The following ABLIM2 variants were observed in gnomAD, a reference collection of about 807,000 sequenced individuals.
ABLIM2 encodes actin binding LIM protein family member 2, also known as actin-binding LIM protein 2.
In ABLIM2, 53 loss-of-function variants were observed where a neutral mutation model predicts 97.7. That is an observed-to-expected ratio of 0.54 (90% CI 0.44 to 0.68). ABLIM2 has a LOEUF of 0.68. ABLIM2 is among the 30% of genes least tolerant of loss of function. The pLI is 0.00. For synonymous variants in ABLIM2, 361 were observed against 345.8 expected, an observed-to-expected ratio of 1.04 and a Z score of -0.49; for missense variants, 835 against 867.2, an observed-to-expected ratio of 0.96 and a Z score of 0.47.
At chr4:8,117,951 C>A (rs1005890204) in intron 1 of ABLIM2, among the ~76,000 whole-genome samples, 3 of 152,228 alleles carry the variant, frequency 2.0e-5, no homozygotes, top group Non-Finnish European at 4.4e-5. Flanking sequence ...GCCCCACATT[C>A]TCTGGGCTTC....
chr4:8,098,334 A>T (rs1406967974), intron 2 of ABLIM2, among the ~76,000 whole-genome samples: 1 of 152,226 alleles, frequency 6.6e-6, no homozygotes, highest in Non-Finnish European at 1.5e-5. Flanking sequence ...GACATCTAAA[A>T]GTTTTCATCA....
Position 8,158,768 on chromosome 4 carries a change from T to C in ABLIM2, c.-79A>G, listed in dbSNP as rs1716264590. ...GGGCCCGCAGGTGCCGCGCCCGCGCTATCCTCCGCCCGCCCGCCGGCTCCG... is the reference window on the plus strand; with the variant it reads ...GGGCCCGCAGGTGCCGCGCCCGCGCCATCCTCCGCCCGCCCGCCGGCTCCG... On this transcript the variant is annotated 5_prime_UTR_variant, in exon 1 of 21. It adds an upstream start codon to the 5' untranslated region. Transcript: ENST00000447017. The C allele has an allele frequency of 1.6e-6, 2 of 1,251,902 alleles. No homozygotes were observed. The highest frequency in any genetic ancestry group is 2.0e-6 in the Non-Finnish European group (2 of 992,262). The allele number at this position is 1,251,902 out of a possible 1,614,324, so 77.5% of individuals were successfully genotyped here. A position where few individuals can be genotyped will look rare whatever the true frequency, so the allele number is the denominator to read the frequency against.
intron 20 of ABLIM2, among the ~76,000 whole-genome samples, chr4:7,973,541 C>T (rs1345962075): frequency 6.6e-6 from 1 of 151,794 alleles, no homozygotes; most frequent in African/African-American, 2.4e-5. Flanking sequence ...GCTGAGGTGT[C>T]TGGACCTGAG....
intron 11 of ABLIM2, among the ~76,000 whole-genome samples, chr4:8,028,213 C>T (rs1778660745): frequency 6.6e-6 from 1 of 152,178 alleles, no homozygotes; most frequent in South Asian, 2.1e-4. Context: ...CACCAGACAT[C>T]GTCACCGGAC....
intron 20 of ABLIM2, among the ~76,000 whole-genome samples, chr4:7,981,048 A>T (rs1284056635): frequency 3.4e-5 from 5 of 145,946 alleles, no homozygotes. Context: ...GGTTCACGCC[A>T]TTCTCCTGCC....
intron 1 of ABLIM2, among the ~76,000 whole-genome samples, chr4:8,109,016 T>C (rs1194261636): frequency 1.3e-5 from 2 of 152,150 alleles, no homozygotes; most frequent in South Asian, 2.1e-4. Context: ...CTGCTCCCCA[T>C]GTGGGAGAGG....
chr4:8,111,948 T>G (rs1433976339), intron 1 of ABLIM2, among the ~76,000 whole-genome samples: 1 of 149,520 alleles, frequency 6.7e-6, no homozygotes, highest in African/African-American at 2.5e-5. Flanking sequence ...AAAAAAAAAT[T>G]TAAAAAGGAA....
rs909142307 is a variant in ABLIM2 at position 8,071,408 on chromosome 4, A to T, written c.675+6220T>A. On this transcript the variant is annotated intron_variant, in intron 6 of 20. Transcript: ENST00000447017. This position sits in a 1 kb window ranked among gnomAD's most constrained non-coding sequence, Gnocchi z 6.2. The stretch of plus-strand genomic sequence containing the variant: ...TGCATGAGGGTGCTGCACGTTTAGG[A>T]GAAACTGAGGGAGAGACGGGGAAGG... 1.7e-4 allele frequency among the ~76,000 whole-genome samples: 26 copies of T among 152,240 alleles called. No homozygotes were observed. Among genetic ancestry groups the T allele is most frequent in the African/African-American group, 6.0e-4 (25 of 41,544 alleles).
intron 14 of ABLIM2, among the ~76,000 whole-genome samples, chr4:8,012,801 C>A (rs914636147): frequency 6.6e-6 from 1 of 152,194 alleles, no homozygotes; most frequent in Admixed American, 6.5e-5. Flanking sequence ...TCTACCCACT[C>A]ATCCACCCAT....
intron 2 of ABLIM2, among the ~76,000 whole-genome samples, chr4:8,101,164 G>A (rs562300350): frequency 1.3e-5 from 2 of 152,348 alleles, no homozygotes; most frequent in African/African-American, 2.4e-5. Context: ...CCAGGGGCCT[G>A]AGTGAGCCTT....
In ABLIM2 at chr4:8,128,059, C is replaced by A. The variant is rs556136219; in HGVS notation, c.11-21422G>T. ...GTCTGACATGAAGGTGCCAGCAGGA[C>A]CCTGCTCTTCACAGGGGTATAGGGA... is the stretch of plus-strand genomic sequence containing the variant. On this transcript the variant is annotated intron_variant, in intron 1 of 20. Transcript: ENST00000447017. This position sits in a 1 kb window ranked among gnomAD's most constrained non-coding sequence, Gnocchi z 4.9. Among the ~76,000 whole-genome samples, 1 of 152,180 alleles carries A rather than the reference C, an allele frequency of 6.6e-6. No homozygotes were observed. The highest frequency in any genetic ancestry group is 1.5e-5 in the Non-Finnish European group (1 of 68,026).
chr4:7,980,642 G>T (rs1010377270), intron 20 of ABLIM2, among the ~76,000 whole-genome samples: 20 of 151,288 alleles, frequency 1.3e-4, no homozygotes, highest in Admixed American at 1.1e-3. Flanking sequence ...TTGAGTCTGG[G>T]AAGTGGGGGT....
Position 8,002,803 on chromosome 4 carries a change from C to T in ABLIM2, c.1618+5256G>A, listed in dbSNP as rs1019029383. ...CTCACTGTTCTTCCAACCCACGGCC[C>T]GGCCTCCGCCCTGGGTGATGCGGAA... On this transcript the variant is annotated intron_variant, in intron 16 of 20. Transcript: ENST00000447017. This position sits in a 1 kb window ranked among gnomAD's most constrained non-coding sequence, Gnocchi z 6.1. Among the ~76,000 whole-genome samples the T allele has an allele frequency of 2.0e-5, 3 of 152,202 alleles. No homozygotes were observed. The highest frequency in any genetic ancestry group is 6.5e-5 in the Admixed American group (1 of 15,284).
intron 6 of ABLIM2, among the ~76,000 whole-genome samples, chr4:8,070,131 A>G (rs1279204685): frequency 1.3e-5 from 2 of 149,436 alleles, no homozygotes; most frequent in African/African-American, 2.5e-5. Context: ...TATGTCTACA[A>G]TCTGTGTCTG....
At chr4:8,029,605 A>G (rs1045019489) in intron 11 of ABLIM2, 51 bp downstream of exon 11, 3 of 1,336,322 alleles carry the variant, frequency 2.2e-6, no homozygotes, top group Non-Finnish European at 2.9e-6. Context: ...AAAAAAAAAA[A>G]AGGAAAAGGA....
rs147359958 is a variant in ABLIM2 at position 8,151,499 on chromosome 4, C to T, written c.10+7181G>A. ...ACAGGCGGCAAGGCACCTCCCTCCACGCCAGAGACCCTCAGCGTGAGGCCC... is the reference window on the plus strand; with the variant it reads ...ACAGGCGGCAAGGCACCTCCCTCCATGCCAGAGACCCTCAGCGTGAGGCCC... On this transcript the variant is annotated intron_variant, in intron 1 of 20. Coordinates refer to ENST00000447017, the MANE Select transcript of ABLIM2 (RefSeq NM_001130083.2). Among the ~76,000 whole-genome samples the T allele has an allele frequency of 4.4e-3, 667 of 152,310 alleles. 21 individuals are homozygous for T. In the East Asian group the frequency reaches 0.074, roughly 17 times the overall value.
At chr4:7,983,644 C>T (rs1740837150) in intron 18 of ABLIM2, 90 bp from the exon 19 acceptor site, 3 of 1,487,628 alleles carry the variant, frequency 2.0e-6, no homozygotes, top group Non-Finnish European at 2.8e-6. Context: ...CTGGGGTACC[C>T]CTGTCTCCCC....
chr4:7,990,322 G>C (rs188042577), intron 17 of ABLIM2, among the ~76,000 whole-genome samples: 1 of 151,880 alleles, frequency 6.6e-6, no homozygotes, highest in Admixed American at 6.6e-5. Flanking sequence ...TCAGCCTCCC[G>C]AGTGGCTGGG....
intron 6 of ABLIM2, among the ~76,000 whole-genome samples, chr4:8,070,133 CTG>C (rs1221062028): frequency 6.6e-6 from 1 of 151,158 alleles, no homozygotes; most frequent in Non-Finnish European, 1.5e-5. Flanking sequence ...TGTCTACAAT[CTG>C]TGTCTGTGTG....
Sources: allele counts gnomAD v4.1 joint callset (sites outside exome capture counted in the v4.1 genomes callset), GRCh38; gene constraint gnomAD v4.1.1; non-coding constraint Gnocchi (gnomAD v3.1); transcripts MANE v1.5; gene names NCBI Gene and HGNC (gene_info 2026-07-23, HGNC 2026-07-21).